The following GSE1 variants were observed in gnomAD, a reference collection of about 807,000 sequenced individuals.
GSE1 encodes genetic suppressor element 1.
Under a neutral mutation model 112.6 loss-of-function variants are expected in GSE1, and 32 were observed. The ratio of observed to expected loss-of-function variants is 0.28; its 90% confidence interval spans 0.21 to 0.38. The LOEUF is 0.38. GSE1 is among the 10% of genes least tolerant of loss of function. GSE1 has a pLI of 1.00. For synonymous variants in GSE1, 1,115 were observed against 735.6 expected (o/e 1.52, Z -8.35); for missense variants, 2,348 against 1,699.2 (o/e 1.38, Z -6.71).
chr16:85,282,756 C>G (rs1214289158), intron 1 of GSE1, among the ~76,000 whole-genome samples: 1 of 152,222 alleles, frequency 6.6e-6, no homozygotes, highest in Admixed American at 6.5e-5. Flanking sequence ...AATGTTATCA[C>G]CTGCCTTGAA....
Position 85,419,709 on chromosome 16 carries a change from T to C in GSE1, c.2464+62066T>C, listed in dbSNP as rs75514372. Among the ~76,000 whole-genome samples the C allele has an allele frequency of 0.014, 2,074 of 152,188 alleles. 17 individuals carry two copies. The highest frequency in any genetic ancestry group is 0.027 in the Middle Eastern group (8 of 294). On this transcript the variant is annotated intron_variant, in intron 2 of 2. Transcript: ENST00000637419. This position sits in a 1 kb window ranked among gnomAD's most constrained non-coding sequence, Gnocchi z 6.5. ...AGTCGTGTGCAACGGTGAATGCACG[T>C]TGGAATCAGCTGGGGATCTCTAAAA...
Position 85,671,439 on chromosome 16 carries a change from C to CAA in GSE1, c.3519+358_3519+359dup, listed in dbSNP as rs1159665909. ...TGGGCGACAGAGCGAGACTCCGTCTCAAAAAAAAAAAAAAAAAAGATCAAA... is the reference window on the plus strand; with the variant it reads ...TGGGCGACAGAGCGAGACTCCGTCTCAAAAAAAAAAAAAAAAAAAAGATCAAA... On this transcript the variant is annotated intron_variant, in intron 15 of 15. Coordinates refer to ENST00000253458, the MANE Select transcript of GSE1 (RefSeq NM_014615.5). Among the ~76,000 whole-genome samples, 163 of 61,318 alleles carry CAA rather than the reference C, an allele frequency of 2.7e-3. 9 individuals are homozygous for CAA. The highest frequency in any genetic ancestry group is 9.1e-3 in the African/African-American group (136 of 14,902). 40.2% of individuals were successfully genotyped at this position (61,318 alleles called of 152,430 possible). A position where few individuals can be genotyped will look rare whatever the true frequency, so the allele number is the denominator to read the frequency against.
chr16:85,615,549 G>C (rs538477482), intron 1 of GSE1, among the ~76,000 whole-genome samples: 1 of 152,216 alleles, frequency 6.6e-6, no homozygotes. Flanking sequence ...TGCCGGGCCA[G>C]AGCTGGTGAG....
intron 1 of GSE1, among the ~76,000 whole-genome samples, chr16:85,239,491 G>T (rs1002445903): frequency 6.6e-6 from 1 of 152,176 alleles, no homozygotes; most frequent in Non-Finnish European, 1.5e-5. Context: ...GTCCTTGCAC[G>T]GCTGCCCTGA....
intron 2 of GSE1, among the ~76,000 whole-genome samples, chr16:85,379,471 T>G (rs2047497779): frequency 6.6e-6 from 1 of 152,166 alleles, no homozygotes; most frequent in Admixed American, 6.5e-5. Flanking sequence ...CTGAGAAGAT[T>G]CCAGGAGGTC....
intron 2 of GSE1, among the ~76,000 whole-genome samples, chr16:85,549,685 C>G (rs2044834605): frequency 6.6e-6 from 1 of 152,186 alleles, no homozygotes; most frequent in Non-Finnish European, 1.5e-5. Context: ...CAGAGGTTCC[C>G]TTTTTTCTTT....
chr16:85,613,417 G>A lies in GSE1; in HGVS notation c.7+19G>A. On this transcript the variant is annotated intron_variant, in intron 1 of 15. Coordinates refer to ENST00000253458, the MANE Select transcript of GSE1 (RefSeq NM_014615.5). ...ATGAAAGGTGAGCGCGCCGCACCCG[G>A]CCGGGGACGGGGTCCTCCCCCCTCC... The A allele has an allele frequency of 6.5e-7, 1 of 1,549,814 alleles. No individual in the cohort carries two copies. The highest frequency in any genetic ancestry group is 8.7e-7 in the Non-Finnish European group (1 of 1,147,132).
chr16:85,589,242 G>C (rs1017607096), intron 1 of GSE1, among the ~76,000 whole-genome samples: 1 of 152,200 alleles, frequency 6.6e-6, no homozygotes, highest in South Asian at 2.1e-4. Context: ...GACCCAGGAT[G>C]CCACCTGAGC....
At chr16:85,407,872 G>A (rs1475628191) in intron 2 of GSE1, among the ~76,000 whole-genome samples, 3 of 21,726 alleles carry the variant, frequency 1.4e-4, no homozygotes, top group Admixed American at 8.9e-4. Flanking sequence ...CAGGCCCCCC[G>A]GATAATCCTC....
intron 2 of GSE1, among the ~76,000 whole-genome samples, chr16:85,388,024 ATGGAT>A (rs1567728354): frequency 3.8e-5 from 5 of 131,290 alleles, no homozygotes; most frequent in African/African-American, 1.2e-4. Flanking sequence ...GGATGGATGG[ATGGAT>A]GGATGAACAG....
chr16:85,344,802 C>T (rs904293843), intron 1 of GSE1, among the ~76,000 whole-genome samples: 2 of 152,252 alleles, frequency 1.3e-5, no homozygotes, highest in African/African-American at 2.4e-5. Context: ...TGCAGCTTCC[C>T]AGGCTGGAGA....
intron 3 of GSE1, among the ~76,000 whole-genome samples, chr16:85,651,529 A>T (rs1466341007): frequency 6.6e-6 from 1 of 152,076 alleles, no homozygotes; most frequent in African/African-American, 2.4e-5. Context: ...TGGGCTGGGG[A>T]CAGGCCCCTC....
chr16:85,547,548 G>T (rs1395548611), intron 2 of GSE1, among the ~76,000 whole-genome samples: 2 of 152,116 alleles, frequency 1.3e-5, no homozygotes, highest in African/African-American at 4.8e-5. Flanking sequence ...TATAATTAAT[G>T]TATAATTTAA....
At chr16:85,330,843 C>T (rs1288111733) in intron 1 of GSE1, among the ~76,000 whole-genome samples, 2 of 152,202 alleles carry the variant, frequency 1.3e-5, no homozygotes. Context: ...TCCCTCCTCC[C>T]TTCTTACCCC....
chr16:85,277,540 G>C (rs1294181399), intron 1 of GSE1, among the ~76,000 whole-genome samples: 4 of 152,124 alleles, frequency 2.6e-5, no homozygotes, highest in Admixed American at 2.6e-4. Context: ...AAAAAACTCC[G>C]GTGTTGCCTG....
At chr16:85,388,644 GTGGATGGATGGATGGA>G (rs113197005) in intron 2 of GSE1, among the ~76,000 whole-genome samples, 6 of 148,952 alleles carry the variant, frequency 4.0e-5, no homozygotes, top group East Asian at 2.0e-4. Flanking sequence ...AGGTGTGTGG[GTGGATGGATGGATGGA>G]TGGATGGATG....
chr16:85,336,153 G>T lies in GSE1; in HGVS notation c.2284-21310G>T, dbSNP rs58266498. ...CCGGCTGCAGTTCTGCAGGACTCCAGGGTCACCAGGGGCTGACTGGGCAGC... is the reference window on the plus strand; with the variant it reads ...CCGGCTGCAGTTCTGCAGGACTCCATGGTCACCAGGGGCTGACTGGGCAGC... On this transcript the variant is annotated intron_variant, in intron 1 of 2. Coordinates refer to the GSE1 transcript ENST00000637419. Among the ~76,000 whole-genome samples the T allele has an allele frequency of 1.3e-3, 198 of 152,354 alleles. 1 individual carries two copies. The highest frequency in any genetic ancestry group is 4.3e-3 in the African/African-American group (177 of 41,574).
At chr16:85,421,343 G>A (rs912235397) in intron 2 of GSE1, among the ~76,000 whole-genome samples, 1 of 152,004 alleles carries the variant, frequency 6.6e-6, no homozygotes, top group Middle Eastern at 3.2e-3. Context: ...TTTCCACAGG[G>A]TCACCCCAAT....
intron 2 of GSE1, among the ~76,000 whole-genome samples, chr16:85,646,395 G>A (rs2050873671): frequency 1.3e-5 from 2 of 152,264 alleles, no homozygotes; most frequent in African/African-American, 4.8e-5. Flanking sequence ...TTGCACAGCT[G>A]CTGTGACACG....
Sources: gnomAD v4.1 joint callset for allele counts (sites outside exome capture counted in the v4.1 genomes callset) on GRCh38, gnomAD v4.1.1 for gene constraint, Gnocchi (gnomAD v3.1) non-coding constraint, MANE v1.5 for transcripts, NCBI Gene and HGNC (gene_info 2026-07-23, HGNC 2026-07-21) for gene names.